Variants in POLE2 observed in about 807,000 individuals in gnomAD.
The protein encoded by POLE2 is DNA polymerase epsilon subunit 2.
In POLE2, 56 loss-of-function variants were observed where a neutral mutation model predicts 79.4. The observed-to-expected ratio is 0.71, with a 90% CI of 0.57 to 0.88. The LOEUF (loss-of-function observed/expected upper bound fraction) is 0.88, where lower values mean the gene tolerates loss of function less well. Ranked by LOEUF, POLE2 falls within the 40% of genes least tolerant of loss-of-function variation. The pLI, the probability that POLE2 is intolerant of heterozygous loss-of-function variation, is 0.00. For missense variants in POLE2, 598 were observed against 638.9 expected, an observed-to-expected ratio of 0.94 and a Z score of 0.69; for synonymous variants, 212 against 214.0, an observed-to-expected ratio of 0.99 and a Z score of 0.08.
intron 9 of POLE2, 152 bp from the exon 10 acceptor site, chr14:49,663,539 T>C: frequency 2.3e-6 from 1 of 441,688 alleles, no homozygotes; most frequent in African/African-American, 2.0e-5. Flanking sequence ...AGTGAACAAC[T>C]TTAGATCCAC....
intron 6 of POLE2, among the ~76,000 whole-genome samples, chr14:49,668,590 T>TC (rs1169248730): frequency 6.6e-6 from 1 of 152,178 alleles, no homozygotes; most frequent in Non-Finnish European, 1.5e-5. Context: ...GAATGTGCCA[T>TC]CACAGATACA....
chr14:49,676,575 A>T (rs563261650), intron 3 of POLE2, among the ~76,000 whole-genome samples: 2 of 152,378 alleles, frequency 1.3e-5, no homozygotes, highest in African/African-American at 2.4e-5. Context: ...ACCTCCATGT[A>T]GGCTGGCTAT....
At position 49,650,588 on chromosome 14, in the gene POLE2, G is replaced by T. The variant is rs376937913; in HGVS notation, c.1321-147C>A. 1.8e-4 allele frequency: 81 copies of T among 462,308 alleles called. 1 individual carries two copies. The highest frequency in any genetic ancestry group is 1.5e-3 in the African/African-American group (74 of 49,756). 28.6% of individuals were successfully genotyped at this position (462,308 alleles called of 1,614,324 possible). On this transcript the variant is annotated intron_variant, in intron 16 of 18. Transcript: ENST00000216367. Reference sequence around the variant, plus strand: ...AAAGCTTTGACTCACAGAGCTTTGGGAGACACTAATTTAAAAGTGAAATAA... The same window carrying T: ...AAAGCTTTGACTCACAGAGCTTTGGTAGACACTAATTTAAAAGTGAAATAA...
At chr14:49,648,982 A>G (rs1033823388) in intron 17 of POLE2, among the ~76,000 whole-genome samples, 1 of 152,002 alleles carries the variant, frequency 6.6e-6, no homozygotes, top group African/African-American at 2.4e-5. Flanking sequence ...GATGAAACAA[A>G]AAATTAGTAA....
intron 15 of POLE2, chr14:49,651,581 G>T: frequency 2.6e-6 from 1 of 377,466 alleles, no homozygotes; most frequent in African/African-American, 2.1e-5. Flanking sequence ...AGGGATTAGC[G>T]AACAGAACCA....
chr14:49,675,423 A>G (rs1404349051), intron 3 of POLE2, among the ~76,000 whole-genome samples: 1 of 151,670 alleles, frequency 6.6e-6, no homozygotes, highest in Admixed American at 6.6e-5. Context: ...TTAAGTTCCA[A>G]CAATTTTTTA....
At chr14:49,664,404 T>C (rs1885328162) in intron 9 of POLE2, among the ~76,000 whole-genome samples, 1 of 151,984 alleles carries the variant, frequency 6.6e-6, no homozygotes, top group Non-Finnish European at 1.5e-5. Flanking sequence ...TTTTAGTATA[T>C]TCACAAGTTG....
chr14:49,654,733 T>G, intron 13 of POLE2, 51 bp downstream of exon 13: 4 of 1,473,092 alleles, frequency 2.7e-6, no homozygotes, highest in Non-Finnish European at 3.6e-6. Context: ...CATTTTTTGT[T>G]TTTTTTTTAA....
At chr14:49,654,349 C>T (rs916099123) in intron 13 of POLE2, 135 bp from the exon 14 acceptor site, 1 of 673,588 alleles carries the variant, frequency 1.5e-6, no homozygotes, top group Non-Finnish European at 2.5e-6. Flanking sequence ...AATAAATGAA[C>T]TATTAAGTCT....
rs1041804379 is a variant in POLE2 at position 49,646,321 on chromosome 14, T to G, written c.1565+972A>C. On this transcript the variant is annotated intron_variant, in intron 18 of 18. Transcript: ENST00000216367. ...TTGTTGGTTTTTTTTTTTTTTTTTTTTTTTTTTTTTTTTTGAGATAGAGTC... is the reference window on the plus strand; with the variant it reads ...TTGTTGGTTTTTTTTTTTTTTTTTTGTTTTTTTTTTTTTTGAGATAGAGTC... 9.3e-4 allele frequency among the ~76,000 whole-genome samples: 88 copies of G among 94,558 alleles called. 4 individuals are homozygous for G. The highest frequency in any genetic ancestry group is 2.5e-3 in the African/African-American group (77 of 30,912). The allele number at this position is 94,558 out of a possible 152,430, so 62.0% of individuals were successfully genotyped here.
intron 3 of POLE2, among the ~76,000 whole-genome samples, chr14:49,675,088 A>ATTT (rs34418737): frequency 4.1e-5 from 6 of 147,210 alleles, no homozygotes; most frequent in African/African-American, 1.5e-4. Context: ...GAGCTACAGT[A>ATTT]TTTTTTTTTT....
Position 49,666,425 on chromosome 14 carries a change from C to T in POLE2, c.493-12G>A. 1 of 1,234,482 alleles carries T rather than the reference C, an allele frequency of 8.1e-7. No homozygotes were observed. The highest frequency in any genetic ancestry group is 1.1e-6 in the Non-Finnish European group (1 of 893,486). The allele number at this position is 1,234,482 out of a possible 1,614,324, so 76.5% of individuals were successfully genotyped here. ...TCTATTGTTTTAAGCTAAAATAAAA[C>T]AAAATAAATTTTAAAGACTGTAAAT... On this transcript the variant is annotated splice_polypyrimidine_tract_variant and intron_variant, in intron 6 of 18. Coordinates refer to ENST00000216367, the MANE Select transcript of POLE2 (RefSeq NM_002692.4).
At chr14:49,686,546 C>G (rs930207790) in intron 1 of POLE2, among the ~76,000 whole-genome samples, 1 of 152,154 alleles carries the variant, frequency 6.6e-6, no homozygotes, top group African/African-American at 2.4e-5. Context: ...CTAAGCCACA[C>G]CTGAATTCCT....
intron 15 of POLE2, among the ~76,000 whole-genome samples, chr14:49,653,133 G>C (rs549001627): frequency 8.7e-4 from 132 of 152,336 alleles, no homozygotes; most frequent in African/African-American, 3.1e-3. Context: ...AGGAAGATCA[G>C]GAGTTCACTT....
chr14:49,645,540 A>T (rs1883702589), intron 18 of POLE2, among the ~76,000 whole-genome samples: 1 of 152,246 alleles, frequency 6.6e-6, no homozygotes, highest in African/African-American at 2.4e-5. Flanking sequence ...ATAGTTTGGA[A>T]ATTATGTCAA....
At chr14:49,686,587 T>C (rs1887153803) in intron 1 of POLE2, among the ~76,000 whole-genome samples, 1 of 152,246 alleles carries the variant, frequency 6.6e-6, no homozygotes, top group South Asian at 2.1e-4. Context: ...TAATGTGTAC[T>C]GTTTTAGCCT....
In POLE2 at chr14:49,654,135, A is replaced by G. The variant is rs781251672; in HGVS notation, c.1133+20T>C. 61 of 1,605,592 alleles carry G rather than the reference A, an allele frequency of 3.8e-5. 1 individual carries two copies. In the East Asian group the frequency reaches 1.3e-3, roughly 34 times the overall value. ...TTACAAAATTTTCTACACTGTTGCA[A>G]AAATCTGAACAAAACTTACCTTGGT... is the stretch of plus-strand genomic sequence containing the variant. On this transcript the variant is annotated intron_variant, in intron 14 of 18. Coordinates refer to ENST00000216367, the MANE Select transcript of POLE2 (RefSeq NM_002692.4).
chr14:49,656,354 CA>C (rs36046648), intron 10 of POLE2, among the ~76,000 whole-genome samples: 33,604 of 94,056 alleles, frequency 0.36, 4,047 homozygotes, highest in Admixed American at 0.44. Context: ...ACTCTTGTCT[CA>C]AAAAAAAAAA....
chr14:49,647,180 A>G, intron 18 of POLE2, 113 bp downstream of exon 18: 1 of 622,958 alleles, frequency 1.6e-6, no homozygotes, highest in Middle Eastern at 4.3e-4. Context: ...ATATTTCTTT[A>G]TGGGCCACTG....
Sources: gnomAD v4.1 joint callset for allele counts (sites outside exome capture counted in the v4.1 genomes callset) on GRCh38, gnomAD v4.1.1 for gene constraint, MANE v1.5 for transcripts, NCBI Gene and HGNC (gene_info 2026-07-23, HGNC 2026-07-21) for gene names.